The following NT5M variants were observed in gnomAD, a reference collection of about 807,000 sequenced individuals.
The protein encoded by NT5M is 5'(3')-deoxyribonucleotidase, mitochondrial.
In NT5M, 22 loss-of-function variants were observed where a neutral mutation model predicts 22.2. The ratio of observed to expected loss-of-function variants is 0.99; its 90% confidence interval spans 0.71 to 1.41. The LOEUF (loss-of-function observed/expected upper bound fraction) is 1.41, where lower values mean the gene tolerates loss of function less well. NT5M is among the 40% of genes most tolerant of loss of function. NT5M has a pLI of 0.00. For missense variants in NT5M, 322 were observed against 314.8 expected, an observed-to-expected ratio of 1.02 and a Z score of -0.17; for synonymous variants, 167 against 133.0, an observed-to-expected ratio of 1.26 and a Z score of -1.76.
chr17:17,345,370 C>A, intron 4 of NT5M: 1 of 655,722 alleles, frequency 1.5e-6, no homozygotes, highest in Non-Finnish European at 1.9e-6. Flanking sequence ...CAACCTTGAA[C>A]TGCCGTAGAA....
intron 3 of NT5M, among the ~76,000 whole-genome samples, chr17:17,326,402 A>G (rs1398525065): frequency 6.6e-6 from 1 of 152,184 alleles, no homozygotes; most frequent in African/African-American, 2.4e-5. Context: ...GAAACCGCGC[A>G]TATTTAAGAG....
intron 3 of NT5M, among the ~76,000 whole-genome samples, chr17:17,326,559 C>G (rs751523398): frequency 4.6e-5 from 7 of 152,224 alleles, no homozygotes; most frequent in African/African-American, 1.2e-4. Flanking sequence ...AGGGGCAGAG[C>G]CCGCAGACCG....
intron 2 of NT5M, among the ~76,000 whole-genome samples, chr17:17,317,250 C>T (rs112082106): frequency 0.02 from 3,035 of 151,624 alleles, 110 homozygotes; most frequent in African/African-American, 0.07. Context: ...AGGGTTTCAC[C>T]GTATTAGCCA....
rs1351757670 is a variant in NT5M at position 17,347,143 on chromosome 17, G to A, written c.*196G>A. On this transcript the variant is annotated 3_prime_UTR_variant, in exon 5 of 5. Transcript: ENST00000389022. ...CGGGGCAGGGCTGGGCCCTCTGGGC[G>A]CTTGGACATAGACACGTGGTCCCAG... 6 of 710,212 alleles carry A rather than the reference G, an allele frequency of 8.4e-6. No individual in the cohort carries two copies. The highest frequency in any genetic ancestry group is 5.6e-5 in the East Asian group (2 of 35,566). The allele number at this position is 710,212 out of a possible 1,614,324, so 44.0% of individuals were successfully genotyped here. A position where few individuals can be genotyped will look rare whatever the true frequency, so the allele number is the denominator to read the frequency against.
chr17:17,342,704 G>A (rs990443738), intron 3 of NT5M, among the ~76,000 whole-genome samples: 3 of 152,116 alleles, frequency 2.0e-5, no homozygotes, highest in Non-Finnish European at 4.4e-5. Flanking sequence ...TGTTCTTGCC[G>A]ACCTGTGGAG....
intron 2 of NT5M, among the ~76,000 whole-genome samples, chr17:17,320,278 A>G (rs1321180057): frequency 6.6e-6 from 1 of 152,082 alleles, no homozygotes; most frequent in Non-Finnish European, 1.5e-5. Flanking sequence ...CTGGGTGGAA[A>G]TGGCTTGGAG....
intron 1 of NT5M, among the ~76,000 whole-genome samples, chr17:17,304,973 TGCTGA>T (rs914187332): frequency 3.9e-5 from 6 of 152,190 alleles, no homozygotes; most frequent in Non-Finnish European, 8.8e-5. Context: ...GAGCCCAGTG[TGCTGA>T]GCTCTTCTAC....
At chr17:17,327,016 A>G (rs1490846504) in intron 3 of NT5M, among the ~76,000 whole-genome samples, 1 of 151,834 alleles carries the variant, frequency 6.6e-6, no homozygotes, top group African/African-American at 2.4e-5. Flanking sequence ...AGTTCAAGTG[A>G]TTCTCCTGCC....
intron 3 of NT5M, among the ~76,000 whole-genome samples, chr17:17,334,085 G>A (rs1433845147): frequency 1.3e-5 from 2 of 151,734 alleles, no homozygotes; most frequent in African/African-American, 4.8e-5. Context: ...CGCCCGCCTC[G>A]GCCTCCCAAA....
intron 2 of NT5M, among the ~76,000 whole-genome samples, chr17:17,307,404 A>G (rs1032492359): frequency 6.6e-5 from 10 of 151,002 alleles, no homozygotes; most frequent in African/African-American, 2.4e-4. Context: ...CAGGTGGATC[A>G]CCTGAGGTCA....
At chr17:17,304,240 C>G (rs2048743556) in intron 1 of NT5M, 1 of 247,156 alleles carries the variant, frequency 4.0e-6, no homozygotes, top group African/African-American at 2.3e-5. Flanking sequence ...TTACTGTTGT[C>G]CATGAAAGCA....
chr17:17,317,618 T>C (rs9912599), intron 2 of NT5M, among the ~76,000 whole-genome samples: 93,598 of 151,992 alleles, frequency 0.62, 30,225 homozygotes, highest in East Asian at 0.79. Context: ...ACATTGTGGG[T>C]GTGAATATAA....
chr17:17,328,116 C>T (rs1342300667), intron 3 of NT5M, among the ~76,000 whole-genome samples: 1 of 152,116 alleles, frequency 6.6e-6, no homozygotes, highest in Non-Finnish European at 1.5e-5. Context: ...CTGTACCAGC[C>T]GTGGGCAGGG....
chr17:17,318,566 A>C (rs981505931), intron 2 of NT5M, among the ~76,000 whole-genome samples: 7 of 151,020 alleles, frequency 4.6e-5, no homozygotes, highest in African/African-American at 1.7e-4. Context: ...CGGGCGGATC[A>C]TCTGAGGTCC....
chr17:17,346,331 C>G (rs559359963), intron 4 of NT5M, among the ~76,000 whole-genome samples: 1 of 152,336 alleles, frequency 6.6e-6, no homozygotes, highest in South Asian at 2.1e-4. Flanking sequence ...GGAATGAGGC[C>G]TGGAGAGGCT....
chr17:17,326,446 T>A (rs1337878277), intron 3 of NT5M, among the ~76,000 whole-genome samples: 1 of 152,122 alleles, frequency 6.6e-6, no homozygotes, highest in Non-Finnish European at 1.5e-5. Flanking sequence ...CACAGTAACA[T>A]CAACAGGCTC....
At chr17:17,332,020 T>C (rs1399305155) in intron 3 of NT5M, among the ~76,000 whole-genome samples, 1 of 151,734 alleles carries the variant, frequency 6.6e-6, no homozygotes, top group Non-Finnish European at 1.5e-5. Context: ...GACCTCATGA[T>C]CCACCCGCCT....
In NT5M at chr17:17,347,109, A is replaced by C; in HGVS notation, c.*162A>C. The C allele has an allele frequency of 2.1e-6, 2 of 938,566 alleles. No individual in the cohort carries two copies. Among genetic ancestry groups the C allele is most frequent in the Non-Finnish European group, 1.5e-6 (1 of 645,636 alleles). 58.1% of individuals were successfully genotyped at this position (938,566 alleles called of 1,614,324 possible). On this transcript the variant is annotated 3_prime_UTR_variant, in exon 5 of 5. Transcript: ENST00000389022. ...CCTTCCCCAGCCCTGCCAGGCCTTA[A>C]CCTGATCACGGGGCAGGGCTGGGCC...
In NT5M at chr17:17,327,904, C is replaced by T. The variant is rs953258190; in HGVS notation, c.429+4659C>T. On this transcript the variant is annotated intron_variant, in intron 3 of 4. Coordinates refer to ENST00000389022, the MANE Select transcript of NT5M (RefSeq NM_020201.4). ...TAGCCTCAAAGTAGTCTGCCCATCT[C>T]GGTCTCCCGAAGTGCTGGGATTACA... is the stretch of plus-strand genomic sequence containing the variant. Among the ~76,000 whole-genome samples the T allele has an allele frequency of 4.0e-5, 6 of 149,454 alleles. 3 individuals are homozygous for T. The highest frequency in any genetic ancestry group is 8.9e-5 in the Non-Finnish European group (6 of 67,350).
Sources: allele counts gnomAD v4.1 joint callset (sites outside exome capture counted in the v4.1 genomes callset), GRCh38; gene constraint gnomAD v4.1.1; transcripts MANE v1.5; gene names NCBI Gene and HGNC (gene_info 2026-07-23, HGNC 2026-07-21).